The following RBM33 variants were observed in gnomAD, a reference collection of about 807,000 sequenced individuals.
RBM33 encodes RNA-binding protein 33.
Under a neutral mutation model 132.6 loss-of-function variants are expected in RBM33, and 28 were observed. That is an observed-to-expected ratio of 0.21 (90% confidence interval 0.16 to 0.29). The LOEUF (loss-of-function observed/expected upper bound fraction) is 0.29, where lower values mean the gene tolerates loss of function less well. Among genes scored for constraint, RBM33 ranks in the 10% least tolerant of loss-of-function variants. The pLI is 1.00. For missense variants in RBM33, 1,291 were observed against 1,518.5 expected (o/e 0.85, Z 2.49); for synonymous variants, 634 against 593.0 (o/e 1.07, Z -1.01).
At chr7:155,661,146 A>ATATTTTTTT (rs1421586760) in intron 1 of RBM33, among the ~76,000 whole-genome samples, 23 of 81,186 alleles carry the variant, frequency 2.8e-4, no homozygotes, top group South Asian at 1.5e-3. Flanking sequence ...ATATATATAT[A>ATATTTTTTT]TTTTTTTTTT....
Position 155,654,743 on chromosome 7 carries a change from G to A in RBM33, c.43+9824G>A, listed in dbSNP as rs547664466. Among the ~76,000 whole-genome samples the A allele has an allele frequency of 2.6e-5, 4 of 152,222 alleles. No individual in the cohort carries two copies. The South Asian group carries it at 8.3e-4, about 32-fold the overall frequency. On this transcript the variant is annotated intron_variant, in intron 1 of 17. Transcript: ENST00000401878. ...TTTTGGAATCTTTACTCAAATTTAA[G>A]TCATTCATTAATTTAAGTTCATTTG... is the stretch of plus-strand genomic sequence containing the variant.
chr7:155,663,829 G>C (rs1315953944), intron 1 of RBM33, among the ~76,000 whole-genome samples: 1 of 152,094 alleles, frequency 6.6e-6, no homozygotes, highest in Non-Finnish European at 1.5e-5. Flanking sequence ...ATGCTCTGCT[G>C]TCTCTCAGAT....
At position 155,678,721 on chromosome 7, in the gene RBM33, TAACTA is replaced by T. The variant is rs769985066; in HGVS notation, c.248+40_248+44del. 1.2e-4 allele frequency: 127 copies of T among 1,028,456 alleles called. 1 individual carries two copies. Among genetic ancestry groups the T allele is most frequent in the Non-Finnish European group, 1.6e-4 (111 of 683,092 alleles). The allele number at this position is 1,028,456 out of a possible 1,614,324, so 63.7% of individuals were successfully genotyped here. A position where few individuals can be genotyped will look rare whatever the true frequency, so the allele number is the denominator to read the frequency against. Reference sequence around the variant, plus strand: ...TACCTCATTATAAATGTTCTTTATTTAACTAAATTGATAGGAACTGTTATTTATAA... The same window carrying T: ...TACCTCATTATAAATGTTCTTTATTTAATTGATAGGAACTGTTATTTATAA... On this transcript the variant is annotated intron_variant, in intron 4 of 17. Coordinates refer to ENST00000401878, the MANE Select transcript of RBM33 (RefSeq NM_053043.3).
rs923411026 is a variant in RBM33, at chr7:155,745,890, T to C, written c.2979+288T>C. Among the ~76,000 whole-genome samples, 6 of 152,204 alleles carry C rather than the reference T, an allele frequency of 3.9e-5. No homozygotes were observed. The highest frequency in any genetic ancestry group is 3.9e-4 in the Admixed American group (6 of 15,282). ...CACCTAGGCTATATGGTACAGCCTGTTGCTCCCTGGCCACAAGCCTGTGCA... is the reference window on the plus strand; with the variant it reads ...CACCTAGGCTATATGGTACAGCCTGCTGCTCCCTGGCCACAAGCCTGTGCA... On this transcript the variant is annotated intron_variant, in intron 14 of 17. Coordinates refer to ENST00000401878, the MANE Select transcript of RBM33 (RefSeq NM_053043.3). The surrounding 1 kb of genome is among the most constrained non-coding windows in gnomAD (Gnocchi z 4.1).
At chr7:155,744,831 G>T (rs182955556) in intron 13 of RBM33, 130 bp from the exon 14 acceptor site, 66 of 933,492 alleles carry the variant, frequency 7.1e-5, no homozygotes, top group Non-Finnish European at 9.6e-5. Context: ...TCTTCAAACA[G>T]ATTTTGAGTG....
chr7:155,776,491 A>T lies in RBM33; in HGVS notation c.*1450A>T, dbSNP rs1802616534. ...GTTTCCACAGTTGACGTTTTATATTACTTTCTCAAATTAAGTTACCAAAAC... is the reference window on the plus strand; with the variant it reads ...GTTTCCACAGTTGACGTTTTATATTTCTTTCTCAAATTAAGTTACCAAAAC... On this transcript the variant is annotated 3_prime_UTR_variant, in exon 18 of 18. Transcript: ENST00000401878. This position sits in a 1 kb window ranked among gnomAD's most constrained non-coding sequence, Gnocchi z 4.0. 6.6e-6 allele frequency: 1 copy of T among 152,242 alleles called. No homozygotes were observed. The highest frequency in any genetic ancestry group is 2.4e-5 in the African/African-American group (1 of 41,456). The allele number at this position is 152,242 out of a possible 1,614,324, so 9.4% of individuals were successfully genotyped here.
chr7:155,662,270 A>C (rs1378140335), intron 1 of RBM33, among the ~76,000 whole-genome samples: 3 of 152,112 alleles, frequency 2.0e-5, no homozygotes, highest in African/African-American at 4.8e-5. Context: ...GATACTGTCC[A>C]TGGTTCGTGT....
chr7:155,763,936 C>T lies in RBM33; in HGVS notation c.3104C>T (p.Pro1035Leu). Residue 1035 changes from proline to leucine, a missense_variant, in exon 15 of 18, where the codon CCA becomes CTA. Physicochemically the swap from Pro to Leu is moderately conservative, Grantham distance 98 (BLOSUM62 -3). Coordinates refer to ENST00000401878, the MANE Select transcript of RBM33 (RefSeq NM_053043.3). ...TLTRGGLQQP[P>L]HLPAGPHAHS... is the part of the protein sequence containing the mutation. ...ACCAGGGGGGGCCTCCAGCAGCCCC[C>T]ACATCTGCCAGCGGGGCCCCACGCA... The T allele has an allele frequency of 1.2e-6, 2 of 1,602,520 alleles. No individual in the cohort carries two copies. Among genetic ancestry groups the T allele is most frequent in the Non-Finnish European group, 1.7e-6 (2 of 1,174,758 alleles).
intron 7 of RBM33, among the ~76,000 whole-genome samples, chr7:155,707,809 A>G (rs929906239): frequency 2.0e-5 from 3 of 152,056 alleles, no homozygotes; most frequent in Non-Finnish European, 4.4e-5. Flanking sequence ...GGCACTTACC[A>G]CCACACCCAG....
intron 9 of RBM33, among the ~76,000 whole-genome samples, chr7:155,732,272 A>T (rs993120700): frequency 1.2e-4 from 19 of 152,254 alleles, no homozygotes; most frequent in African/African-American, 4.6e-4. Context: ...TTGTAAATTG[A>T]TAAAAAAATT....
intron 5 of RBM33, among the ~76,000 whole-genome samples, chr7:155,698,211 A>G (rs1799853120): frequency 6.6e-6 from 1 of 152,150 alleles, no homozygotes; most frequent in South Asian, 2.1e-4. Flanking sequence ...TACTAAAAAT[A>G]CAAAAATTAG....
At chr7:155,691,837 C>G (rs1384447335) in intron 5 of RBM33, among the ~76,000 whole-genome samples, 1 of 152,058 alleles carries the variant, frequency 6.6e-6, no homozygotes, top group African/African-American at 2.4e-5. Flanking sequence ...GGACGGGTCA[C>G]TTGAGCTCAG....
At position 155,775,511 on chromosome 7, in the gene RBM33, G is replaced by T. The variant is rs757946654; in HGVS notation, c.*470G>T. On this transcript the variant is annotated 3_prime_UTR_variant, in exon 18 of 18. Coordinates refer to ENST00000401878, the MANE Select transcript of RBM33 (RefSeq NM_053043.3). ...AAGCTTAACTCGAGTTGTCTTCTCAGCCCTCAAAAGGCTCTTGTACAAAAT... is the reference window on the plus strand; with the variant it reads ...AAGCTTAACTCGAGTTGTCTTCTCATCCCTCAAAAGGCTCTTGTACAAAAT... The T allele has an allele frequency of 7.3e-5, 14 of 191,720 alleles. No individual in the cohort carries two copies. Among genetic ancestry groups the T allele is most frequent in the Non-Finnish European group, 1.6e-4 (14 of 90,228 alleles). The allele number at this position is 191,720 out of a possible 1,614,324, so 11.9% of individuals were successfully genotyped here.
intron 1 of RBM33, among the ~76,000 whole-genome samples, chr7:155,664,243 A>ATG (rs1491370351): frequency 2.1e-5 from 3 of 144,844 alleles, no homozygotes; most frequent in South Asian, 2.1e-4. Flanking sequence ...ATATATATAT[A>ATG]TGTGTGTGTG....
At chr7:155,697,442 A>G (rs568030331) in intron 5 of RBM33, among the ~76,000 whole-genome samples, 11 of 152,184 alleles carry the variant, frequency 7.2e-5, no homozygotes, top group Admixed American at 2.0e-4. Context: ...CAACCCATAA[A>G]TTTTCACTGT....
intron 8 of RBM33, among the ~76,000 whole-genome samples, chr7:155,718,057 G>A (rs1439874970): frequency 6.6e-6 from 1 of 152,184 alleles, no homozygotes; most frequent in African/African-American, 2.4e-5. Context: ...TGGATTATCT[G>A]TATAGGGATA....
intron 1 of RBM33, among the ~76,000 whole-genome samples, chr7:155,646,660 A>G (rs770216711): frequency 1.4e-4 from 21 of 152,180 alleles, no homozygotes; most frequent in Non-Finnish European, 2.8e-4. Flanking sequence ...TTGAGAATTC[A>G]TTGTATCTGA....
rs547191728 is a variant in RBM33, at chr7:155,694,737, A to C, written c.568-6036A>C. Among the ~76,000 whole-genome samples the C allele has an allele frequency of 2.0e-5, 3 of 152,328 alleles. No homozygotes were observed. In the South Asian group the frequency reaches 6.2e-4, roughly 32 times the overall value. ...CTCGGCACGTTTTTGAGATTCATCCAAGTAGTTGTGTGTATTAATAATTTA... is the reference window on the plus strand; with the variant it reads ...CTCGGCACGTTTTTGAGATTCATCCCAGTAGTTGTGTGTATTAATAATTTA... On this transcript the variant is annotated intron_variant, in intron 5 of 17. Transcript: ENST00000401878.
intron 8 of RBM33, among the ~76,000 whole-genome samples, chr7:155,716,877 T>C (rs1800476789): frequency 6.6e-6 from 1 of 152,194 alleles, no homozygotes; most frequent in Admixed American, 6.5e-5. Context: ...TTCTGCCATT[T>C]TTACATTTTA....
Sources: gnomAD v4.1 joint callset for allele counts (sites outside exome capture counted in the v4.1 genomes callset) on GRCh38, gnomAD v4.1.1 for gene constraint, Gnocchi (gnomAD v3.1) non-coding constraint, MANE v1.5 for transcripts, NCBI Gene and HGNC (gene_info 2026-07-23, HGNC 2026-07-21) for gene names.